The following ZNF827 variants were observed in gnomAD, a reference collection of about 807,000 sequenced individuals.
ZNF827 encodes the protein zinc finger protein 827.
A neutral mutation model predicts 102.4 loss-of-function variants in ZNF827; 13 were observed. That is an observed-to-expected ratio of 0.13 (90% confidence interval 0.08 to 0.20). The LOEUF (loss-of-function observed/expected upper bound fraction) is 0.20, where lower values mean the gene tolerates loss of function less well. ZNF827 is among the 10% of genes least tolerant of loss of function. The pLI, the probability that ZNF827 is intolerant of heterozygous loss-of-function variation, is 1.00. For synonymous variants in ZNF827, 523 were observed against 536.2 expected, an observed-to-expected ratio of 0.98 and a Z score of 0.34; for missense variants, 1,103 against 1,344.4, an observed-to-expected ratio of 0.82 and a Z score of 2.81.
chr4:145,872,779 G>A (rs932493192), intron 4 of ZNF827, among the ~76,000 whole-genome samples: 3 of 151,480 alleles, frequency 2.0e-5, no homozygotes, highest in Non-Finnish European at 4.4e-5. Flanking sequence ...GGAGACTGAG[G>A]TAGGAGAATC....
chr4:145,861,624 G>C (rs1028680006), intron 5 of ZNF827, among the ~76,000 whole-genome samples: 1 of 152,128 alleles, frequency 6.6e-6, no homozygotes, highest in African/African-American at 2.4e-5. Flanking sequence ...GGAAGGCCTA[G>C]GCGTCATTCT....
At chr4:145,793,248 G>GAT (rs1170536544) in intron 8 of ZNF827, among the ~76,000 whole-genome samples, 56 of 47,616 alleles carry the variant, frequency 1.2e-3, no homozygotes, top group South Asian at 5.1e-3. Context: ...AGAACTAAGA[G>GAT]ATATATATAT....
In ZNF827 at chr4:145,902,071, C is replaced by G. The variant is rs1478695374; in HGVS notation, c.1093+95G>C. On this transcript the variant is annotated intron_variant, in intron 2 of 14. Coordinates refer to ENST00000508784, the MANE Select transcript of ZNF827 (RefSeq NM_001306215.2). This position sits in a 1 kb window ranked among gnomAD's most constrained non-coding sequence, Gnocchi z 4.3. The stretch of plus-strand genomic sequence containing the variant: ...TTGCTTTTTTATTCCTGCCTCAGAT[C>G]AGATGGGGAACCCAACTGAAAAAAG... 6.8e-7 allele frequency: 1 copy of G among 1,460,688 alleles called. No individual in the cohort carries two copies. Among genetic ancestry groups the G allele is most frequent in the East Asian group, 2.3e-5 (1 of 42,916 alleles). 90.5% of individuals were successfully genotyped at this position (1,460,688 alleles called of 1,614,324 possible).
chr4:145,893,609 T>C (rs1750769192), intron 2 of ZNF827, among the ~76,000 whole-genome samples: 1 of 152,190 alleles, frequency 6.6e-6, no homozygotes, highest in South Asian at 2.1e-4. Flanking sequence ...GGTGAAATAT[T>C]AGCAGGGAAC....
Position 145,911,394 on chromosome 4 carries a change from T to C in ZNF827, c.44-8179A>G, listed in dbSNP as rs919685667. ...ATGCTTTGGAGAAACATGTACCGTG[T>C]TTGTAGAAGCAAGAATGTATAAAAA... is the stretch of plus-strand genomic sequence containing the variant. On this transcript the variant is annotated intron_variant, in intron 1 of 14. Coordinates refer to ENST00000508784, the MANE Select transcript of ZNF827 (RefSeq NM_001306215.2). Among the ~76,000 whole-genome samples, 3 of 152,228 alleles carry C rather than the reference T, an allele frequency of 2.0e-5. No homozygotes were observed. The South Asian group carries it at 6.2e-4, about 32-fold the overall frequency.
chr4:145,861,427 G>T (rs1747719905), intron 5 of ZNF827, among the ~76,000 whole-genome samples: 1 of 152,062 alleles, frequency 6.6e-6, no homozygotes, highest in Non-Finnish European at 1.5e-5. Context: ...AGATTGACTG[G>T]TTACTCAAAT....
intron 8 of ZNF827, among the ~76,000 whole-genome samples, chr4:145,802,509 G>T (rs1222606076): frequency 2.6e-5 from 4 of 152,192 alleles, no homozygotes; most frequent in African/African-American, 9.7e-5. Flanking sequence ...TGGGAGCAGG[G>T]GTGCATGAGG....
chr4:145,824,445 C>G (rs904239345), intron 7 of ZNF827, among the ~76,000 whole-genome samples: 1 of 152,132 alleles, frequency 6.6e-6, no homozygotes, highest in Non-Finnish European at 1.5e-5. Flanking sequence ...GGTACCCAGA[C>G]AGTGGAAGTT....
chr4:145,831,657 G>C (rs982322739), intron 7 of ZNF827: 1 of 152,156 alleles, frequency 6.6e-6, no homozygotes, highest in African/African-American at 2.4e-5. Context: ...AAAACTAAAG[G>C]TGTTGTTAAT....
intron 9 of ZNF827, among the ~76,000 whole-genome samples, chr4:145,776,702 G>A (rs969162943): frequency 1.3e-5 from 2 of 152,076 alleles, no homozygotes; most frequent in African/African-American, 4.8e-5. Flanking sequence ...GGACTACAGC[G>A]TAAAAGAGGC....
chr4:145,858,841 G>T (rs190057737), intron 5 of ZNF827, among the ~76,000 whole-genome samples: 2 of 152,212 alleles, frequency 1.3e-5, no homozygotes, highest in Non-Finnish European at 2.9e-5. Context: ...TTTAATAACT[G>T]AGAGTTTGTC....
chr4:145,770,648 ATATTTG>A (rs955910436), intron 11 of ZNF827, among the ~76,000 whole-genome samples: 7 of 152,110 alleles, frequency 4.6e-5, no homozygotes, highest in African/African-American at 1.7e-4. Flanking sequence ...GCTATTTTAG[ATATTTG>A]TACAGAGTTG....
rs116488591 is a variant in ZNF827, at chr4:145,850,588, G to A, written c.1982-1027C>T. On this transcript the variant is annotated intron_variant, in intron 5 of 14. Coordinates refer to ENST00000508784, the MANE Select transcript of ZNF827 (RefSeq NM_001306215.2). ...AAACACATATTTGTTTTGTAAGGGT[G>A]GAGTGTCTATGTCCATCTATTGCTT... is the stretch of plus-strand genomic sequence containing the variant. 4.5e-3 allele frequency among the ~76,000 whole-genome samples: 687 copies of A among 152,284 alleles called. 4 individuals are homozygous for A. The highest frequency in any genetic ancestry group is 0.014 in the African/African-American group (601 of 41,552).
At chr4:145,883,733 G>A (rs545266739) in intron 4 of ZNF827, among the ~76,000 whole-genome samples, 16 of 152,230 alleles carry the variant, frequency 1.1e-4, no homozygotes, top group African/African-American at 2.4e-4. Flanking sequence ...ACCCCCACTC[G>A]GATTGCCCCT....
chr4:145,858,844 A>G (rs1234415727), intron 5 of ZNF827, among the ~76,000 whole-genome samples: 2 of 152,046 alleles, frequency 1.3e-5, no homozygotes, highest in Non-Finnish European at 2.9e-5. Flanking sequence ...AATAACTGAG[A>G]GTTTGTCAAT....
intron 1 of ZNF827, 44 bp from the exon 2 acceptor site, chr4:145,903,259 A>G (rs1196394269): frequency 1.3e-6 from 2 of 1,551,782 alleles, no homozygotes; most frequent in Admixed American, 1.8e-5. Flanking sequence ...AAAGTGAACA[A>G]TAAGTAAGTC....
chr4:145,903,801 A>G (rs1210955813), intron 1 of ZNF827, among the ~76,000 whole-genome samples: 1 of 152,236 alleles, frequency 6.6e-6, no homozygotes, highest in East Asian at 1.9e-4. Context: ...GTTGTTATAA[A>G]GCTTATATCA....
chr4:145,893,494 A>G (rs1750761984), intron 2 of ZNF827, among the ~76,000 whole-genome samples: 1 of 152,260 alleles, frequency 6.6e-6, no homozygotes, highest in African/African-American at 2.4e-5. Context: ...AACATGTCCA[A>G]GATATTAGCA....
At chr4:145,888,734 T>C (rs1750342122) in intron 3 of ZNF827, among the ~76,000 whole-genome samples, 1 of 152,240 alleles carries the variant, frequency 6.6e-6, no homozygotes, top group Non-Finnish European at 1.5e-5. Context: ...GCAGTCTTCC[T>C]CACCTTTTCT....
Sources: gnomAD v4.1 joint callset for allele counts (sites outside exome capture counted in the v4.1 genomes callset) on GRCh38, gnomAD v4.1.1 for gene constraint, Gnocchi (gnomAD v3.1) non-coding constraint, MANE v1.5 for transcripts, NCBI Gene and HGNC (gene_info 2026-07-23, HGNC 2026-07-21) for gene names.